PIP5K1A: variants seen among roughly 807,000 people sequenced by gnomAD.
PIP5K1A encodes phosphatidylinositol-4-phosphate 5-kinase type 1 alpha.
In PIP5K1A, 46 loss-of-function variants were observed where a neutral mutation model predicts 72.9. That is an observed-to-expected ratio of 0.63 (90% CI 0.50 to 0.81). The LOEUF is 0.81. PIP5K1A is among the 30% of genes least tolerant of loss of function. The probability of loss-of-function intolerance (pLI) is 0.00; values close to 1 mark genes in which losing one functional copy is unlikely to be tolerated. For missense variants in PIP5K1A, 458 were observed against 706.1 expected (o/e 0.65, Z 3.98); for synonymous variants, 228 against 255.1 (o/e 0.89, Z 1.01).
intron 5 of PIP5K1A, 61 bp downstream of exon 5, chr1:151,231,862 G>T: frequency 6.6e-7 from 1 of 1,525,534 alleles, no homozygotes; most frequent in Admixed American, 1.7e-5. Flanking sequence ...ATCAGCCCAG[G>T]GCAGTTTTAG....
chr1:151,199,761 A>T (rs914887556), intron 1 of PIP5K1A, among the ~76,000 whole-genome samples: 2 of 152,148 alleles, frequency 1.3e-5, no homozygotes, highest in African/African-American at 4.8e-5. Context: ...GGCTAATTGG[A>T]TGAAAATGTT....
At chr1:151,224,120 T>TA in intron 1 of PIP5K1A, 125 bp from the exon 2 acceptor site, 1 of 851,178 alleles carries the variant, frequency 1.2e-6, no homozygotes, top group Non-Finnish European at 2.0e-6. Flanking sequence ...GATCTGGTAT[T>TA]ACTGAGCAAG....
chr1:151,196,550 A>ATTTTTTTTTTTTTTT (rs5777766), upstream of PIP5K1A, among the ~76,000 whole-genome samples: 1 of 114,766 alleles, frequency 8.7e-6, no homozygotes, highest in African/African-American at 3.3e-5. Context: ...ATGCATGGGG[A>ATTTTTTTTTTTTTTT]TTTTTTTTTT....
At chr1:151,210,148 T>G (rs1572174742) in intron 1 of PIP5K1A, among the ~76,000 whole-genome samples, 1 of 152,112 alleles carries the variant, frequency 6.6e-6, no homozygotes, top group Admixed American at 6.6e-5. Context: ...CCTCCCAAAG[T>G]GCTGGGATTA....
chr1:151,201,520 ATT>A (rs1271793943), intron 1 of PIP5K1A, among the ~76,000 whole-genome samples: 1 of 151,470 alleles, frequency 6.6e-6, no homozygotes, highest in African/African-American at 2.4e-5. Context: ...TGGCTATTTT[ATT>A]TTTTTGTGTT....
intron 4 of PIP5K1A, 100 bp from the exon 5 acceptor site, chr1:151,231,563 AAAGGATGT>A: frequency 1.1e-6 from 1 of 937,414 alleles, no homozygotes; most frequent in Non-Finnish European, 1.7e-6. Context: ...TGCTCAGACT[AAAGGATGT>A]TTGTTTTAAA....
At position 151,249,437 on chromosome 1, in the gene PIP5K1A, C is replaced by T. The variant is rs1010507001; in HGVS notation, c.*1572C>T. 1 of 152,086 alleles carries T rather than the reference C, an allele frequency of 6.6e-6. No homozygotes were observed. Among genetic ancestry groups the T allele is most frequent in the Non-Finnish European group, 1.5e-5 (1 of 68,022 alleles). The allele number at this position is 152,086 out of a possible 1,614,324, so 9.4% of individuals were successfully genotyped here. A position where few individuals can be genotyped will look rare whatever the true frequency, so the allele number is the denominator to read the frequency against. ...GAAGCAACATTTTTATTAAGTGTTA[C>T]TATTTGCCTCTACTTTGTATTGTTC... On this transcript the variant is annotated 3_prime_UTR_variant, in exon 16 of 16. Transcript: ENST00000368888.
chr1:151,204,365 C>T (rs931450659), intron 1 of PIP5K1A, among the ~76,000 whole-genome samples: 3 of 151,874 alleles, frequency 2.0e-5, no homozygotes, highest in Admixed American at 6.6e-5. Context: ...TTAGTAGAGA[C>T]GGGGTTTCGC....
At chr1:151,237,115 C>T (rs1349332977) in intron 9 of PIP5K1A, among the ~76,000 whole-genome samples, 1 of 152,088 alleles carries the variant, frequency 6.6e-6, no homozygotes, top group Non-Finnish European at 1.5e-5. Context: ...CAGGCGTGAG[C>T]CACCGTGCCC....
intron 10 of PIP5K1A, 157 bp downstream of exon 10, chr1:151,238,422 C>T: frequency 1.6e-6 from 1 of 609,898 alleles, no homozygotes; most frequent in Non-Finnish European, 3.0e-6. Flanking sequence ...GGTTTATTTC[C>T]TTGATTTTGC....
chr1:151,225,398 A>C (rs1688962782), intron 3 of PIP5K1A, among the ~76,000 whole-genome samples: 1 of 151,550 alleles, frequency 6.6e-6, no homozygotes, highest in Non-Finnish European at 1.5e-5. Flanking sequence ...GAGTAACTTC[A>C]TGTCTGTTGC....
chr1:151,205,170 T>C lies in PIP5K1A; in HGVS notation c.85+6089T>C, dbSNP rs587664329. Among the ~76,000 whole-genome samples the C allele has an allele frequency of 6.6e-5, 10 of 152,166 alleles. No homozygotes were observed. The East Asian group carries it at 1.6e-3, about 24-fold the overall frequency. ...TAAATTGTTCTCTCCTAGAATGTTA[T>C]TTATTATTTTTTTGAGACAGAGTCT... is the stretch of plus-strand genomic sequence containing the variant. On this transcript the variant is annotated intron_variant, in intron 1 of 15. Transcript: ENST00000368888.
chr1:151,211,599 A>G (rs1273837271), intron 1 of PIP5K1A, among the ~76,000 whole-genome samples: 3 of 151,718 alleles, frequency 2.0e-5, no homozygotes, highest in African/African-American at 7.3e-5. Context: ...GATCGAGACC[A>G]TCCTGGCTAA....
At chr1:151,203,652 C>T (rs1034987729) in intron 1 of PIP5K1A, among the ~76,000 whole-genome samples, 4 of 151,386 alleles carry the variant, frequency 2.6e-5, no homozygotes, top group African/African-American at 4.9e-5. Context: ...GGTGAAACCC[C>T]GTCTCTACTA....
chr1:151,216,742 A>T (rs140860710), intron 1 of PIP5K1A, among the ~76,000 whole-genome samples: 1 of 152,164 alleles, frequency 6.6e-6, no homozygotes, highest in African/African-American at 2.4e-5. Context: ...TAGATTAAGT[A>T]GAGCATTTAT....
At chr1:151,236,205 C>A (rs587730419) in intron 8 of PIP5K1A, among the ~76,000 whole-genome samples, 7 of 151,750 alleles carry the variant, frequency 4.6e-5, no homozygotes, top group Admixed American at 2.0e-4. Context: ...TCAAGCCAGG[C>A]GTGGTGGCTC....
At chr1:151,207,688 C>G (rs587677328) in intron 1 of PIP5K1A, among the ~76,000 whole-genome samples, 1 of 151,822 alleles carries the variant, frequency 6.6e-6, no homozygotes, top group African/African-American at 2.4e-5. Flanking sequence ...CACGCCACCA[C>G]GCCTGGCTAA....
intron 1 of PIP5K1A, chr1:151,215,934 G>A (rs1189671487): frequency 1.6e-6 from 2 of 1,289,114 alleles, no homozygotes; most frequent in Non-Finnish European, 2.1e-6. Context: ...CCAGGAGTAA[G>A]GGGTAACTTT....
intron 13 of PIP5K1A, 23 bp downstream of exon 13, chr1:151,242,292 C>T (rs367953528): frequency 1.1e-5 from 17 of 1,613,300 alleles, no homozygotes; most frequent in Non-Finnish European, 1.3e-5. Context: ...GCTGGGGTCC[C>T]CATGTGATTG....
Sources: gnomAD v4.1 joint callset for allele counts (sites outside exome capture counted in the v4.1 genomes callset) on GRCh38, gnomAD v4.1.1 for gene constraint, MANE v1.5 for transcripts, NCBI Gene and HGNC (gene_info 2026-07-23, HGNC 2026-07-21) for gene names.